The following POU2F3 variants were observed in gnomAD, a reference collection of about 807,000 sequenced individuals.
POU2F3 encodes the protein POU class 2 homeobox 3.
Under a neutral mutation model 59.2 loss-of-function variants are expected in POU2F3, and 23 were observed. The ratio of observed to expected loss-of-function variants is 0.39; its 90% CI spans 0.28 to 0.55. The LOEUF is 0.55. POU2F3 is among the 20% of genes least tolerant of loss of function. The pLI, the probability that POU2F3 is intolerant of heterozygous loss-of-function variation, is 0.66. For missense variants in POU2F3, 473 were observed against 544.5 expected (o/e 0.87, Z 1.31); for synonymous variants, 190 against 214.6 (o/e 0.89, Z 1.00).
At chr11:120,276,011 G>T (rs192527998) in intron 3 of POU2F3, among the ~76,000 whole-genome samples, 51 of 152,310 alleles carry the variant, frequency 3.3e-4, no homozygotes, top group South Asian at 1.0e-3. Context: ...GTACGGAAAG[G>T]TCTCCAAGGA....
chr11:120,240,169 T>G lies in POU2F3; in HGVS notation c.-175T>G, dbSNP rs540950582. 1.6e-6 allele frequency: 2 copies of G among 1,215,560 alleles called. No individual in the cohort carries two copies. The highest frequency in any genetic ancestry group is 4.1e-5 in the South Asian group (1 of 24,140). The allele number at this position is 1,215,560 out of a possible 1,614,324, so 75.3% of individuals were successfully genotyped here. A position where few individuals can be genotyped will look rare whatever the true frequency, so the allele number is the denominator to read the frequency against. On this transcript the variant is annotated 5_prime_UTR_variant, in exon 1 of 13. Coordinates refer to ENST00000543440, the MANE Select transcript of POU2F3 (RefSeq NM_014352.4). Reference sequence around the variant, plus strand: ...TGGCAATCCTGGCGGCGCCGAGTGTTGCCCGGGCCGGAGCAGCGGAGCGCG... The same window carrying G: ...TGGCAATCCTGGCGGCGCCGAGTGTGGCCCGGGCCGGAGCAGCGGAGCGCG...
intron 5 of POU2F3, chr11:120,302,039 G>A: frequency 2.2e-6 from 1 of 456,290 alleles, no homozygotes; most frequent in South Asian, 3.4e-5. Flanking sequence ...GCGGGCAGGT[G>A]GAAGGACTGG....
intron 3 of POU2F3, among the ~76,000 whole-genome samples, chr11:120,281,205 A>G (rs529277160): frequency 6.6e-6 from 1 of 151,988 alleles, no homozygotes; most frequent in South Asian, 2.1e-4. Context: ...CCTACCTGAT[A>G]CCAGGTCACA....
At chr11:120,270,748 A>C (rs780557469) in intron 3 of POU2F3, among the ~76,000 whole-genome samples, 2 of 152,168 alleles carry the variant, frequency 1.3e-5, no homozygotes, top group African/African-American at 4.8e-5. Context: ...GCTGGAGTGC[A>C]GTGGTGTAAT....
intron 2 of POU2F3, among the ~76,000 whole-genome samples, chr11:120,250,681 G>A (rs1939058403): frequency 6.6e-6 from 1 of 152,096 alleles, no homozygotes; most frequent in African/African-American, 2.4e-5. Flanking sequence ...GGGGACATAA[G>A]ACAATGGTAG....
At chr11:120,316,091 C>T (rs1467315616) in intron 11 of POU2F3, among the ~76,000 whole-genome samples, 1 of 152,124 alleles carries the variant, frequency 6.6e-6, no homozygotes, top group African/African-American at 2.4e-5. Context: ...TCAGGCTGGT[C>T]TTGAACTCCT....
At position 120,264,190 on chromosome 11, in the gene POU2F3, TACACACAC is replaced by T. The variant is rs35186745; in HGVS notation, c.98-4984_98-4977del. Among the ~76,000 whole-genome samples, 833 of 133,114 alleles carry T rather than the reference TACACACAC, an allele frequency of 6.3e-3. 8 individuals are homozygous for T. The highest frequency in any genetic ancestry group is 0.039 in the Middle Eastern group (10 of 258). The allele number at this position is 133,114 out of a possible 152,430, so 87.3% of individuals were successfully genotyped here. A position where few individuals can be genotyped will look rare whatever the true frequency, so the allele number is the denominator to read the frequency against. On this transcript the variant is annotated intron_variant, in intron 2 of 12. Coordinates refer to ENST00000543440, the MANE Select transcript of POU2F3 (RefSeq NM_014352.4). ...GCCTAGGTAACATGATAAGACCTCA[TACACACAC>T]ACACACACACACACACACACACACA...
rs7944603 is a variant in POU2F3 at position 120,255,604 on chromosome 11, G to A, written c.97+9087G>A. Among the ~76,000 whole-genome samples the A allele has an allele frequency of 1.3e-3, 196 of 152,204 alleles. 2 individuals carry two copies. The highest frequency in any genetic ancestry group is 4.5e-3 in the African/African-American group (188 of 41,524). On this transcript the variant is annotated intron_variant, in intron 2 of 12. Coordinates refer to ENST00000543440, the MANE Select transcript of POU2F3 (RefSeq NM_014352.4). ...GGGGTTAAGCCTGCTGGCAAATGTC[G>A]GCTCCAGGGCTCCAGGTTATCAAAG...
At chr11:120,301,189 G>A (rs1941337293) in intron 5 of POU2F3, 1 of 422,232 alleles carries the variant, frequency 2.4e-6, no homozygotes, top group South Asian at 1.7e-5. Flanking sequence ...TGTGTTTTGG[G>A]GAAAGTTACC....
intron 11 of POU2F3, 90 bp from the exon 12 acceptor site, chr11:120,317,139 C>T: frequency 2.7e-6 from 4 of 1,503,556 alleles, no homozygotes; most frequent in Non-Finnish European, 3.7e-6. Context: ...GGGGATACAC[C>T]AGGAAATTTG....
At chr11:120,272,939 G>T (rs989750004) in intron 3 of POU2F3, among the ~76,000 whole-genome samples, 2 of 152,172 alleles carry the variant, frequency 1.3e-5, no homozygotes, top group Non-Finnish European at 2.9e-5. Flanking sequence ...AACTGGAAAA[G>T]CTTGGCTGAG....
chr11:120,242,952 G>T (rs2845702), intron 1 of POU2F3, among the ~76,000 whole-genome samples: 133,953 of 151,930 alleles, frequency 0.88, 59,193 homozygotes, highest in Middle Eastern at 0.95. Flanking sequence ...GGAAGCCAGC[G>T]GGCGGGGGCA....
At chr11:120,281,192 C>T (rs763565501) in intron 3 of POU2F3, among the ~76,000 whole-genome samples, 3 of 152,054 alleles carry the variant, frequency 2.0e-5, no homozygotes, top group Non-Finnish European at 2.9e-5. Flanking sequence ...TCCCTGTACA[C>T]TTCCTACCTG....
intron 1 of POU2F3, among the ~76,000 whole-genome samples, chr11:120,242,160 C>A (rs962810226): frequency 1.3e-5 from 2 of 152,206 alleles, no homozygotes; most frequent in African/African-American, 4.8e-5. Context: ...CCTCCCTGTG[C>A]AGTTTCTGGG....
At chr11:120,264,190 T>TACACACAC (rs35186745) in intron 2 of POU2F3, among the ~76,000 whole-genome samples, 2,943 of 133,100 alleles carry the variant, frequency 0.022, 48 homozygotes, top group Non-Finnish European at 0.03. Flanking sequence ...TAAGACCTCA[T>TACACACAC]ACACACACAC....
At chr11:120,309,753 G>A (rs115020364) in intron 10 of POU2F3, among the ~76,000 whole-genome samples, 167 bp downstream of exon 10, 117 of 152,300 alleles carry the variant, frequency 7.7e-4, no homozygotes, top group African/African-American at 2.8e-3. Flanking sequence ...AGGGGATAGC[G>A]GGGAGATACT....
At chr11:120,245,314 C>T (rs982662596) in intron 1 of POU2F3, among the ~76,000 whole-genome samples, 5 of 152,126 alleles carry the variant, frequency 3.3e-5, no homozygotes, top group Admixed American at 2.6e-4. Flanking sequence ...CCTTTTTCCT[C>T]ATCCTGATCA....
chr11:120,312,282 C>G (rs1412582663), intron 10 of POU2F3, among the ~76,000 whole-genome samples: 1 of 152,066 alleles, frequency 6.6e-6, no homozygotes, highest in East Asian at 1.9e-4. Flanking sequence ...CACCATCACA[C>G]CTGGCTAATT....
At chr11:120,275,640 TG>T (rs1263808270) in intron 3 of POU2F3, among the ~76,000 whole-genome samples, 1 of 152,140 alleles carries the variant, frequency 6.6e-6, no homozygotes, top group Non-Finnish European at 1.5e-5. Flanking sequence ...AAAAGTCCTG[TG>T]AGGCCAGAAG....
Sources: allele counts gnomAD v4.1 joint callset (sites outside exome capture counted in the v4.1 genomes callset), GRCh38; gene constraint gnomAD v4.1.1; transcripts MANE v1.5; gene names NCBI Gene and HGNC (gene_info 2026-07-23, HGNC 2026-07-21).